The following SLC8A3 variants were observed in gnomAD, a reference collection of about 807,000 sequenced individuals.
SLC8A3 encodes the protein sodium/calcium exchanger 3.
A neutral mutation model predicts 65.4 loss-of-function variants in SLC8A3; 37 were observed. The observed-to-expected ratio is 0.57, with a 90% confidence interval of 0.44 to 0.74. SLC8A3 has a LOEUF of 0.74. Among genes scored for constraint, SLC8A3 ranks in the 30% least tolerant of loss-of-function variants. SLC8A3 has a pLI of 0.00. For missense variants in SLC8A3, 1,112 were observed against 1,172.1 expected (o/e 0.95, Z 0.75); for synonymous variants, 461 against 444.5 (o/e 1.04, Z -0.47).
At chr14:70,053,799 G>A (rs1409368876) in intron 3 of SLC8A3, among the ~76,000 whole-genome samples, 1 of 152,034 alleles carries the variant, frequency 6.6e-6, no homozygotes, top group Non-Finnish European at 1.5e-5. Flanking sequence ...GTCCCACAGA[G>A]GCTCTCTGTA....
At chr14:70,181,481 A>G (rs1411210595) in intron 1 of SLC8A3, among the ~76,000 whole-genome samples, 4 of 145,636 alleles carry the variant, frequency 2.7e-5, no homozygotes, top group African/African-American at 1.0e-4. Context: ...AAAAAAAAAA[A>G]GTGCATTTCA....
rs1886607962 is a variant in SLC8A3, at chr14:70,045,133, T to C, written c.*814A>G. The C allele has an allele frequency of 6.6e-6, 1 of 152,224 alleles. No individual in the cohort carries two copies. The highest frequency in any genetic ancestry group is 2.4e-5 in the African/African-American group (1 of 41,458). 9.4% of individuals were successfully genotyped at this position (152,224 alleles called of 1,614,324 possible). On this transcript the variant is annotated 3_prime_UTR_variant, in exon 7 of 7. Transcript: ENST00000356921. ...TTGGGCAAAGAGGGACAATTGCTTTTTGTATCTGACTTGATTCAACATAAG... is the reference window on the plus strand; with the variant it reads ...TTGGGCAAAGAGGGACAATTGCTTTCTGTATCTGACTTGATTCAACATAAG...
intron 2 of SLC8A3, among the ~76,000 whole-genome samples, chr14:70,088,039 G>T (rs1353744021): frequency 6.6e-6 from 1 of 152,176 alleles, no homozygotes; most frequent in Non-Finnish European, 1.5e-5. Flanking sequence ...AGGTATTAAA[G>T]GTTCTTGAAA....
chr14:70,075,455 C>A (rs1214123183), intron 2 of SLC8A3, among the ~76,000 whole-genome samples: 1 of 152,084 alleles, frequency 6.6e-6, no homozygotes. Context: ...GAGGACATTG[C>A]CTTTGAACTG....
At chr14:70,131,223 A>G (rs1162918667) in intron 2 of SLC8A3, among the ~76,000 whole-genome samples, 5 of 149,358 alleles carry the variant, frequency 3.3e-5, no homozygotes, top group Non-Finnish European at 7.6e-5. Context: ...CTTGGACTGC[A>G]GAAGGCCAAG....
intron 2 of SLC8A3, among the ~76,000 whole-genome samples, chr14:70,148,538 T>C (rs1229918326): frequency 6.6e-6 from 1 of 152,150 alleles, no homozygotes; most frequent in Non-Finnish European, 1.5e-5. Flanking sequence ...GCAGTAACTG[T>C]GACCAGTAAA....
At chr14:70,171,325 C>T (rs879532614) in intron 1 of SLC8A3, among the ~76,000 whole-genome samples, 2 of 152,098 alleles carry the variant, frequency 1.3e-5, no homozygotes, top group Non-Finnish European at 2.9e-5. Context: ...GACTTGGAGT[C>T]GTATTTATCT....
chr14:70,156,955 A>G (rs1896609933), intron 2 of SLC8A3, among the ~76,000 whole-genome samples: 1 of 152,198 alleles, frequency 6.6e-6, no homozygotes, highest in Admixed American at 6.5e-5. Context: ...TGTCCTGGAG[A>G]GGATAGATCA....
intron 2 of SLC8A3, among the ~76,000 whole-genome samples, chr14:70,162,520 T>C (rs1896951494): frequency 6.6e-6 from 1 of 152,210 alleles, no homozygotes; most frequent in African/African-American, 2.4e-5. Context: ...TAATAGATCT[T>C]GGCATTTACA....
chr14:70,057,032 A>T (rs373536089), intron 3 of SLC8A3, among the ~76,000 whole-genome samples: 2 of 152,124 alleles, frequency 1.3e-5, no homozygotes, highest in African/African-American at 4.8e-5. Context: ...TTGCTGAGGA[A>T]GGAGTGTGTG....
At chr14:70,090,069 C>T (rs1261034686) in intron 2 of SLC8A3, among the ~76,000 whole-genome samples, 1 of 151,956 alleles carries the variant, frequency 6.6e-6, no homozygotes, top group African/African-American at 2.4e-5. Context: ...TTGCTAACTG[C>T]AGCCATTAAT....
At chr14:70,059,320 A>G (rs1380225786) in intron 3 of SLC8A3, 2 of 152,202 alleles carry the variant, frequency 1.3e-5, no homozygotes, top group East Asian at 1.9e-4. Context: ...CCTCGTGTGG[A>G]AAGTTTTATG....
At chr14:70,099,063 A>G (rs1170228091) in intron 2 of SLC8A3, among the ~76,000 whole-genome samples, 1 of 152,184 alleles carries the variant, frequency 6.6e-6, no homozygotes, top group Admixed American at 6.5e-5. Context: ...ATCTCACCAG[A>G]GCAGGGATAG....
intron 2 of SLC8A3, among the ~76,000 whole-genome samples, chr14:70,157,555 G>T (rs1896643950): frequency 6.6e-6 from 1 of 152,156 alleles, no homozygotes; most frequent in Non-Finnish European, 1.5e-5. Context: ...ATGCAGAGAG[G>T]AGCCATGAGC....
intron 2 of SLC8A3, among the ~76,000 whole-genome samples, chr14:70,156,232 G>T (rs1366075875): frequency 6.6e-6 from 1 of 152,164 alleles, no homozygotes; most frequent in Non-Finnish European, 1.5e-5. Context: ...GTCCCTGTGG[G>T]TTCATCCAGG....
At position 70,167,804 on chromosome 14, in the gene SLC8A3, C is replaced by T. The variant is rs756722145; in HGVS notation, c.619G>A (p.Ala207Thr). Residue 207 changes from alanine to threonine, a missense_variant, in exon 2 of 7, where the codon GCT (alanine) becomes ACT (threonine). Transcript: ENST00000356921. ...ATGTAGGCAAAGATACTCCAAGCAG[C>T]GGTGATGAAGAAGACTCGTAGATGC... is the stretch of plus-strand genomic sequence containing the variant. ...IKHLRVFFIT[A>T]AWSIFAYIWL... 1.1e-5 allele frequency: 18 copies of T among 1,613,990 alleles called. No individual in the cohort carries two copies. The highest frequency in any genetic ancestry group is 5.0e-5 in the Admixed American group (3 of 59,988).
intron 2 of SLC8A3, among the ~76,000 whole-genome samples, chr14:70,083,831 C>T (rs1436527684): frequency 3.3e-5 from 5 of 152,198 alleles, no homozygotes; most frequent in African/African-American, 1.2e-4. Flanking sequence ...CTTTTTAATA[C>T]TCTATTCCTC....
chr14:70,184,930 A>AAGT (rs1883058841), intron 1 of SLC8A3, among the ~76,000 whole-genome samples: 1 of 151,548 alleles, frequency 6.6e-6, no homozygotes. Flanking sequence ...AACCAGGCTT[A>AAGT]AGTGAAGGGG....
Position 70,046,411 on chromosome 14 carries a change from C to A in SLC8A3, c.2390-88G>T. 7.3e-7 allele frequency: 1 copy of A among 1,378,278 alleles called. No individual in the cohort carries two copies. The allele number at this position is 1,378,278 out of a possible 1,614,324, so 85.4% of individuals were successfully genotyped here. Reference sequence around the variant, plus strand: ...CAGTATGCCCAAAAAGCAGCTTGAGCTGGTGGGCTGAACCCAGGAATGAGA... The same window carrying A: ...CAGTATGCCCAAAAAGCAGCTTGAGATGGTGGGCTGAACCCAGGAATGAGA... On this transcript the variant is annotated intron_variant, in intron 6 of 6. Coordinates refer to ENST00000356921, the MANE Select transcript of SLC8A3 (RefSeq NM_182932.3). This position sits in a 1 kb window ranked among gnomAD's most constrained non-coding sequence, Gnocchi z 4.2.
Sources: allele counts gnomAD v4.1 joint callset (sites outside exome capture counted in the v4.1 genomes callset), GRCh38; gene constraint gnomAD v4.1.1; non-coding constraint Gnocchi (gnomAD v3.1); transcripts MANE v1.5; gene names NCBI Gene and HGNC (gene_info 2026-07-23, HGNC 2026-07-21).